The following CCDC158 variants were observed in gnomAD, a reference collection of about 807,000 sequenced individuals.
CCDC158 encodes coiled-coil domain-containing protein 158.
In CCDC158, 116 loss-of-function variants were observed where a neutral mutation model predicts 138.6. The ratio of observed to expected loss-of-function variants is 0.84; its 90% CI spans 0.72 to 0.98. The LOEUF is 0.98. CCDC158 is among the 50% of genes least tolerant of loss of function. The probability of loss-of-function intolerance (pLI) is 0.00; values close to 1 mark genes in which losing one functional copy is unlikely to be tolerated. For synonymous variants in CCDC158, 436 were observed against 442.4 expected, an observed-to-expected ratio of 0.99 and a Z score of 0.18; for missense variants, 1,265 against 1,306.1, an observed-to-expected ratio of 0.97 and a Z score of 0.48.
chr4:76,320,774 A>G (rs1719921194), intron 24 of CCDC158, among the ~76,000 whole-genome samples: 1 of 152,086 alleles, frequency 6.6e-6, no homozygotes, highest in Non-Finnish European at 1.5e-5. Flanking sequence ...AGATGGGTCA[A>G]AGACCTAAAC....
intron 9 of CCDC158, 135 bp from the exon 10 acceptor site, chr4:76,371,671 C>G (rs1314117676): frequency 9.8e-7 from 1 of 1,016,292 alleles, no homozygotes; most frequent in Non-Finnish European, 1.4e-6. Flanking sequence ...GGTGCAGTGG[C>G]TCATGCCTGT....
intron 23 of CCDC158, 114 bp from the exon 24 acceptor site, chr4:76,323,523 A>G (rs1720240266): frequency 1.4e-6 from 1 of 715,656 alleles, no homozygotes; most frequent in African/African-American, 1.8e-5. Context: ...ACTTTTTTTC[A>G]TGACAAATTC....
intron 12 of CCDC158, among the ~76,000 whole-genome samples, chr4:76,362,638 T>C (rs988858492): frequency 1.3e-5 from 2 of 152,200 alleles, no homozygotes; most frequent in African/African-American, 4.8e-5. Context: ...AAAATACATA[T>C]TAAGAACCTT....
intron 18 of CCDC158, among the ~76,000 whole-genome samples, chr4:76,336,945 C>T (rs1721567808): frequency 6.6e-6 from 1 of 152,128 alleles, no homozygotes; most frequent in African/African-American, 2.4e-5. Flanking sequence ...GTGTCCTATA[C>T]CTTGTATTTT....
intron 13 of CCDC158, 43 bp downstream of exon 13, chr4:76,362,083 A>G: frequency 6.4e-7 from 1 of 1,562,998 alleles, no homozygotes; most frequent in Non-Finnish European, 8.8e-7. Flanking sequence ...CTTCACTGCT[A>G]AGACTCTTAT....
chr4:76,396,825 G>T (rs1295219170), intron 3 of CCDC158, among the ~76,000 whole-genome samples: 4 of 152,062 alleles, frequency 2.6e-5, no homozygotes, highest in Non-Finnish European at 5.9e-5. Flanking sequence ...GAGCCACCAC[G>T]CCTGGCCCAT....
At chr4:76,313,608 C>T (rs1050300770) in intron 24 of CCDC158, among the ~76,000 whole-genome samples, 1 of 152,168 alleles carries the variant, frequency 6.6e-6, no homozygotes, top group South Asian at 2.1e-4. Flanking sequence ...TTTAAATGGG[C>T]ATGATAATTG....
At chr4:76,344,627 T>A in intron 18 of CCDC158, 7 of 1,531,736 alleles carry the variant, frequency 4.6e-6, no homozygotes, top group Non-Finnish European at 6.3e-6. Context: ...GTGAGAGAGA[T>A]AAAGTCAAAT....
At chr4:76,393,135 T>C (rs1279715414) in intron 4 of CCDC158, among the ~76,000 whole-genome samples, 1 of 152,020 alleles carries the variant, frequency 6.6e-6, no homozygotes, top group Non-Finnish European at 1.5e-5. Flanking sequence ...AAAACAATCT[T>C]AAAATTCATA....
At chr4:76,368,483 G>A (rs1332230836) in intron 11 of CCDC158, among the ~76,000 whole-genome samples, 2 of 152,180 alleles carry the variant, frequency 1.3e-5, no homozygotes, top group Non-Finnish European at 2.9e-5. Flanking sequence ...TCTAAGCCAA[G>A]ACCAGTCCCT....
chr4:76,335,591 G>GT (rs1721406263), intron 18 of CCDC158, among the ~76,000 whole-genome samples: 1 of 151,902 alleles, frequency 6.6e-6, no homozygotes, highest in African/African-American at 2.4e-5. Flanking sequence ...GTTTTGTTTT[G>GT]TTTTTTGAGA....
intron 22 of CCDC158, 122 bp downstream of exon 22, chr4:76,328,778 C>T (rs1720753375): frequency 4.1e-6 from 3 of 730,452 alleles, no homozygotes; most frequent in Non-Finnish European, 4.9e-6. Flanking sequence ...GAGGGAGTAG[C>T]AGGAAATGAG....
Position 76,396,324 on chromosome 4 carries a change from C to T in CCDC158, c.233G>A (p.Arg78His), listed in dbSNP as rs753263337. ...TTGATGTGAATATTCTTCCAAAACA[C>T]GTTCAAAGTGTTCCTTTCCAGGAGA... Reference protein sequence around the residue: ...IPSPGKEHFERVLEEYSHQVK... With the variant: ...IPSPGKEHFEHVLEEYSHQVK... Residue 78 changes from arginine (R) to histidine (H), a missense_variant, in exon 4 of 25, where the codon CGT (arginine) becomes CAT (histidine). By Grantham distance (29) the Arg-to-His change is conservative (BLOSUM62 0). Coordinates refer to ENST00000682701, the MANE Select transcript of CCDC158 (RefSeq NM_001394954.1). 29 of 1,613,794 alleles carry T rather than the reference C, an allele frequency of 1.8e-5. No homozygotes were observed. Among genetic ancestry groups the T allele is most frequent in the Middle Eastern group, 1.6e-4 (1 of 6,080 alleles).
At chr4:76,389,734 A>G (rs993759720) in intron 4 of CCDC158, among the ~76,000 whole-genome samples, 6 of 152,202 alleles carry the variant, frequency 3.9e-5, no homozygotes, top group African/African-American at 1.4e-4. Flanking sequence ...CAAATAACAT[A>G]CAATGGAGCT....
In CCDC158 at chr4:76,396,483, G is replaced by A. The variant is rs1005953385; in HGVS notation, c.74C>T (p.Ser25Phe). 3.1e-6 allele frequency: 5 copies of A among 1,596,640 alleles called. No homozygotes were observed. The Admixed American group carries it at 8.8e-5, about 28-fold the overall frequency. Residue 25 changes from serine to phenylalanine, a missense_variant, in exon 4 of 25, where the codon TCT becomes TTT. Transcript: ENST00000682701. ...AGATGACACAAAAAATGAACTTGAA[G>A]AACCTAAATATTAAAGAATTCATTA... ...SSSGVTSNGG[S>F]SSSFFVSSIR...
chr4:76,322,373 T>C (rs1720103548), intron 24 of CCDC158, among the ~76,000 whole-genome samples: 1 of 152,166 alleles, frequency 6.6e-6, no homozygotes, highest in Non-Finnish European at 1.5e-5. Context: ...TTATTGACTG[T>C]TCTTTTATCT....
chr4:76,410,756 T>A (rs560395223), intron 2 of CCDC158, among the ~76,000 whole-genome samples: 1 of 152,234 alleles, frequency 6.6e-6, no homozygotes, highest in Non-Finnish European at 1.5e-5. Flanking sequence ...GAACCATTCA[T>A]GTTGAACAGT....
chr4:76,344,334 A>G (rs1419703606), intron 18 of CCDC158, among the ~76,000 whole-genome samples: 1 of 152,218 alleles, frequency 6.6e-6, no homozygotes, highest in African/African-American at 2.4e-5. Context: ...ACTACAAACC[A>G]CTGCTCGAGG....
chr4:76,373,796 C>T lies in CCDC158; in HGVS notation c.1030-2260G>A, dbSNP rs114136920. 4.0e-3 allele frequency among the ~76,000 whole-genome samples: 607 copies of T among 152,254 alleles called. 3 individuals carry two copies. Among genetic ancestry groups the T allele is most frequent in the African/African-American group, 0.014 (576 of 41,544 alleles). On this transcript the variant is annotated intron_variant, in intron 9 of 24. Coordinates refer to ENST00000682701, the MANE Select transcript of CCDC158 (RefSeq NM_001394954.1). ...CTATATTCCTAAACTGACTTTGTAT[C>T]TGGCTGCATGCTATGTATAAAAAGT...
Sources: allele counts gnomAD v4.1 joint callset (sites outside exome capture counted in the v4.1 genomes callset), GRCh38; gene constraint gnomAD v4.1.1; transcripts MANE v1.5; gene names NCBI Gene and HGNC (gene_info 2026-07-23, HGNC 2026-07-21).